The following KLHL29 variants were observed in gnomAD, a reference collection of about 807,000 sequenced individuals.
The protein encoded by KLHL29 is kelch-like protein 29.
A neutral mutation model predicts 80.4 loss-of-function variants in KLHL29; 21 were observed. That is an observed-to-expected ratio of 0.26 (90% CI 0.19 to 0.38). KLHL29 has a LOEUF of 0.38. Ranked by LOEUF, KLHL29 falls within the 10% of genes least tolerant of loss-of-function variation. The pLI, the probability that KLHL29 is intolerant of heterozygous loss-of-function variation, is 1.00. For missense variants in KLHL29, 867 were observed against 1,223.9 expected, an observed-to-expected ratio of 0.71 and a Z score of 4.35; for synonymous variants, 511 against 526.8, an observed-to-expected ratio of 0.97 and a Z score of 0.41.
intron 3 of KLHL29, among the ~76,000 whole-genome samples, chr2:23,578,538 A>G (rs1327585161): frequency 6.6e-6 from 1 of 152,224 alleles, no homozygotes; most frequent in Non-Finnish European, 1.5e-5. Flanking sequence ...TGTTATTATT[A>G]CCATCGTCTT....
intron 1 of KLHL29, among the ~76,000 whole-genome samples, chr2:23,435,447 A>G (rs1055817606): frequency 7.2e-5 from 11 of 152,190 alleles, no homozygotes; most frequent in Admixed American, 6.5e-5. Context: ...ACTGGGAGCC[A>G]TAGAGTCCAG....
intron 1 of KLHL29, among the ~76,000 whole-genome samples, chr2:23,419,441 G>A (rs774652638): frequency 2.0e-5 from 3 of 152,102 alleles, no homozygotes; most frequent in Admixed American, 6.5e-5. Context: ...CCGCGCTGTC[G>A]GTGGGAGCCC....
intron 3 of KLHL29, among the ~76,000 whole-genome samples, chr2:23,610,399 G>A (rs897353244): frequency 1.3e-5 from 2 of 152,168 alleles, no homozygotes; most frequent in Admixed American, 6.5e-5. Context: ...GAAGTTTCAT[G>A]GACATTTTCT....
chr2:23,658,008 G>C (rs1422260284), intron 5 of KLHL29, among the ~76,000 whole-genome samples: 1 of 152,082 alleles, frequency 6.6e-6, no homozygotes, highest in Non-Finnish European at 1.5e-5. Context: ...GTGCGTCTCA[G>C]CCCCTCAAGC....
intron 2 of KLHL29, among the ~76,000 whole-genome samples, chr2:23,490,221 C>T (rs964473008): frequency 6.6e-6 from 1 of 151,952 alleles, no homozygotes; most frequent in African/African-American, 2.4e-5. Context: ...CTTGTTTCTG[C>T]TAAAGATAAG....
At chr2:23,427,522 A>G (rs1329563988) in intron 1 of KLHL29, among the ~76,000 whole-genome samples, 2 of 152,294 alleles carry the variant, frequency 1.3e-5, no homozygotes, top group South Asian at 2.1e-4. Context: ...GCGTGGCCAC[A>G]TCCGTGTTTA....
intron 2 of KLHL29, among the ~76,000 whole-genome samples, chr2:23,496,637 TG>T (rs1187913372): frequency 1.3e-5 from 2 of 152,192 alleles, no homozygotes; most frequent in East Asian, 3.8e-4. Context: ...AAGGCCTCAG[TG>T]GCCTCCAGAT....
chr2:23,485,478 C>G (rs1664910388), intron 2 of KLHL29, among the ~76,000 whole-genome samples: 1 of 152,200 alleles, frequency 6.6e-6, no homozygotes, highest in African/African-American at 2.4e-5. Flanking sequence ...GGCCACCACC[C>G]CTGGGGACAT....
At chr2:23,408,437 C>A (rs539101955) in intron 1 of KLHL29, among the ~76,000 whole-genome samples, 1 of 152,090 alleles carries the variant, frequency 6.6e-6, no homozygotes, top group South Asian at 2.1e-4. Context: ...CTTGCTCTCT[C>A]TGTGTTTATT....
chr2:23,480,952 A>G (rs770284022), intron 2 of KLHL29, among the ~76,000 whole-genome samples: 1 of 152,150 alleles, frequency 6.6e-6, no homozygotes, highest in Non-Finnish European at 1.5e-5. Context: ...TGATTCCACC[A>G]CAGACATATT....
intron 5 of KLHL29, among the ~76,000 whole-genome samples, chr2:23,670,913 A>ACACGCG (rs1553353328): frequency 2.6e-4 from 4 of 15,412 alleles, no homozygotes; most frequent in Admixed American, 2.2e-3. Context: ...ACACACATGC[A>ACACGCG]CGCGCTCTCT....
At chr2:23,589,960 G>T (rs990752943) in intron 3 of KLHL29, among the ~76,000 whole-genome samples, 1 of 152,214 alleles carries the variant, frequency 6.6e-6, no homozygotes, top group Admixed American at 6.5e-5. Flanking sequence ...ACTTGCAAAG[G>T]CATGCAGCTG....
intron 2 of KLHL29, among the ~76,000 whole-genome samples, chr2:23,544,195 G>A (rs1180168772): frequency 6.6e-6 from 1 of 152,154 alleles, no homozygotes; most frequent in African/African-American, 2.4e-5. Flanking sequence ...AGAGAAGACG[G>A]GCACGAGAAC....
At chr2:23,657,573 G>A (rs910183050) in intron 5 of KLHL29, among the ~76,000 whole-genome samples, 10 of 152,092 alleles carry the variant, frequency 6.6e-5, no homozygotes, top group African/African-American at 2.2e-4. Flanking sequence ...ATCCCCATTC[G>A]GGCAAATTAC....
intron 2 of KLHL29, among the ~76,000 whole-genome samples, chr2:23,526,803 A>G (rs1446258744): frequency 6.6e-6 from 1 of 152,108 alleles, no homozygotes; most frequent in African/African-American, 2.4e-5. Context: ...GTAGCTCGAA[A>G]CGGCCACAGT....
At chr2:23,426,067 T>A (rs895653588) in intron 1 of KLHL29, among the ~76,000 whole-genome samples, 7 of 151,776 alleles carry the variant, frequency 4.6e-5, no homozygotes, top group Non-Finnish European at 1.0e-4. Context: ...GCCTGGGGAG[T>A]GCCTTTGAGG....
chr2:23,672,001 C>G (rs1264272455), intron 5 of KLHL29: 1 of 152,324 alleles, frequency 6.6e-6, no homozygotes, highest in Non-Finnish European at 1.5e-5. Flanking sequence ...ATCCCAGGCC[C>G]TGACTGGGAC....
intron 2 of KLHL29, among the ~76,000 whole-genome samples, chr2:23,498,847 G>A (rs1665348378): frequency 6.6e-6 from 1 of 152,234 alleles, no homozygotes; most frequent in African/African-American, 2.4e-5. Context: ...GAACCTGGGT[G>A]AGGCCGCCCC....
chr2:23,599,587 A>C (rs1668516214), intron 3 of KLHL29, among the ~76,000 whole-genome samples: 1 of 151,856 alleles, frequency 6.6e-6, no homozygotes, highest in South Asian at 2.1e-4. Flanking sequence ...TACATATATA[A>C]ATATTTATGT....
Sources: gnomAD v4.1 joint callset for allele counts (sites outside exome capture counted in the v4.1 genomes callset) on GRCh38, gnomAD v4.1.1 for gene constraint, MANE v1.5 for transcripts, NCBI Gene and HGNC (gene_info 2026-07-23, HGNC 2026-07-21) for gene names.